Variants in ECT2L observed in about 807,000 individuals in gnomAD.
The protein encoded by ECT2L is epithelial cell-transforming sequence 2 oncogene-like.
A neutral mutation model predicts 122.8 loss-of-function variants in ECT2L; 126 were observed. The ratio of observed to expected loss-of-function variants is 1.03; its 90% CI spans 0.89 to 1.19. ECT2L has a LOEUF of 1.19. ECT2L is among the 50% of genes most tolerant of loss of function. The probability of loss-of-function intolerance (pLI) is 0.00; values close to 1 mark genes in which losing one functional copy is unlikely to be tolerated. For missense variants in ECT2L, 1,012 were observed against 1,064.1 expected (o/e 0.95, Z 0.68); for synonymous variants, 385 against 381.8 (o/e 1.01, Z -0.10).
At position 138,849,274 on chromosome 6, in the gene ECT2L, G is replaced by A; in HGVS notation, c.909G>A (p.Val303=). Residue 303 remains valine (V), a synonymous_variant, in exon 9 of 22, where the codon GTG becomes GTA. Transcript: ENST00000541398. Reference sequence around the variant, plus strand: ...GCTTTGGTTTCATTCTCCAGATGGTGATGGAGAGTGTGAAGGCTGGTGTTG... The same window carrying A: ...GCTTTGGTTTCATTCTCCAGATGGTAATGGAGAGTGTGAAGGCTGGTGTTG... ...ISSRIPAYEM[V]MESVKAGVVS... is the part of the protein sequence containing the mutation. 1.2e-6 allele frequency: 2 copies of A among 1,611,272 alleles called. No homozygotes were observed. The highest frequency in any genetic ancestry group is 1.7e-6 in the Non-Finnish European group (2 of 1,178,834).
rs965646359 is a variant in ECT2L, at chr6:138,823,197, G to A, written c.179+8594G>A. 54 of 1,460,844 alleles carry A rather than the reference G, an allele frequency of 3.7e-5. 12 individuals are homozygous for A. The African/African-American group carries it at 7.2e-4, about 19-fold the overall frequency. The allele number at this position is 1,460,844 out of a possible 1,614,324, so 90.5% of individuals were successfully genotyped here. A position where few individuals can be genotyped will look rare whatever the true frequency, so the allele number is the denominator to read the frequency against. Reference sequence around the variant, plus strand: ...TAATGTCCCCAGCCAATCAGGAGTGGGAAAACCATGCTGGATCATCTGTTT... The same window carrying A: ...TAATGTCCCCAGCCAATCAGGAGTGAGAAAACCATGCTGGATCATCTGTTT... On this transcript the variant is annotated intron_variant, in intron 4 of 21. Transcript: ENST00000541398.
At chr6:138,830,733 G>A (rs1476391358) in intron 4 of ECT2L, among the ~76,000 whole-genome samples, 3 of 151,912 alleles carry the variant, frequency 2.0e-5, no homozygotes, top group Admixed American at 6.6e-5. Context: ...CCTACCTCTC[G>A]GTCCTGTCCT....
At chr6:138,900,881 A>G in intron 20 of ECT2L, 67 bp from the exon 21 acceptor site, 1 of 1,510,446 alleles carries the variant, frequency 6.6e-7, no homozygotes, top group Non-Finnish European at 8.9e-7. Context: ...CAATTTCAAG[A>G]TGCTTAACTA....
At chr6:138,900,309 C>T (rs1779356125) in intron 20 of ECT2L, among the ~76,000 whole-genome samples, 1 of 151,848 alleles carries the variant, frequency 6.6e-6, no homozygotes, top group Admixed American at 6.6e-5. Context: ...TGCAGTGGCG[C>T]AATCTCAACT....
intron 20 of ECT2L, among the ~76,000 whole-genome samples, chr6:138,891,995 T>C (rs911472899): frequency 1.3e-5 from 2 of 152,242 alleles, no homozygotes; most frequent in East Asian, 1.9e-4. Context: ...TCAGTAATTT[T>C]GTAAAATCTC....
At chr6:138,899,044 T>TAG (rs1562499634) in intron 20 of ECT2L, among the ~76,000 whole-genome samples, 2 of 152,148 alleles carry the variant, frequency 1.3e-5, no homozygotes. Flanking sequence ...GTGTAGCCTT[T>TAG]GACCAATCCG....
chr6:138,856,571 T>C (rs1317215160), intron 10 of ECT2L, among the ~76,000 whole-genome samples: 1 of 152,222 alleles, frequency 6.6e-6, no homozygotes, highest in Non-Finnish European at 1.5e-5. Context: ...ACTACCACCA[T>C]GTCTTCATTT....
chr6:138,859,213 T>C (rs1326846278), intron 10 of ECT2L, among the ~76,000 whole-genome samples: 1 of 152,206 alleles, frequency 6.6e-6, no homozygotes, highest in African/African-American at 2.4e-5. Context: ...TTATTTTAGA[T>C]TTACCCATCC....
chr6:138,825,321 T>C (rs1010299172), intron 4 of ECT2L, among the ~76,000 whole-genome samples: 7 of 152,194 alleles, frequency 4.6e-5, no homozygotes, highest in African/African-American at 1.7e-4. Context: ...GGCTCATGCC[T>C]GTAATCCCAG....
chr6:138,839,987 A>T (rs1776980817), intron 5 of ECT2L, among the ~76,000 whole-genome samples: 1 of 152,142 alleles, frequency 6.6e-6, no homozygotes, highest in Admixed American at 6.5e-5. Flanking sequence ...TATATATACT[A>T]ATAATAGCCT....
intron 9 of ECT2L, 138 bp downstream of exon 9, chr6:138,849,572 GC>G: frequency 1.2e-5 from 9 of 735,106 alleles, no homozygotes; most frequent in Admixed American, 7.5e-5. Context: ...AAAAAGCGAA[GC>G]TTTTTTTTTT....
chr6:138,858,741 T>G (rs1777714487), intron 10 of ECT2L, among the ~76,000 whole-genome samples: 1 of 148,572 alleles, frequency 6.7e-6, no homozygotes, highest in East Asian at 2.0e-4. Context: ...GGGTCTGCTT[T>G]GTTGCCTAGG....
In ECT2L at chr6:138,844,473, G is replaced by A. The variant is rs1777151646; in HGVS notation, c.657G>A (p.Lys219=). ...VSGTCCSSVL[K]PRCQPRLSQT... ...GAACTTGCTGCTCTAGCGTGCTAAA[G>A]CCCAGATGCCAACCACGCCTCTCCC... is the stretch of plus-strand genomic sequence containing the variant. The change falls in exon 7 of 22, where the codon AAG becomes AAA. Residue 219 remains lysine, a synonymous_variant. Transcript: ENST00000541398. 1.2e-6 allele frequency: 2 copies of A among 1,614,150 alleles called. No homozygotes were observed. The highest frequency in any genetic ancestry group is 2.2e-5 in the East Asian group (1 of 44,876).
rs1420317131 is a variant in ECT2L, at chr6:138,865,124, C to T, written c.1420C>T (p.Gln474Ter). The change falls in exon 12 of 22, where the codon CAG (glutamine) becomes TAG (stop). Residue 474 changes from glutamine to a stop codon, truncating the protein, a stop_gained. Transcript: ENST00000541398. LOFTEE classifies it high-confidence loss of function. Reference protein sequence around the residue: ...LEETLKTVRKQLYPFFKELQK... With the variant: ...LEETLKTVRK ...AGAAACCTTGAAAACAGTAAGGAAG[C>T]AGCTGTATCCTTTCTTCAAGGAACT... The T allele has an allele frequency of 6.2e-7, 1 of 1,613,808 alleles. No homozygotes were observed. Among genetic ancestry groups the T allele is most frequent in the African/African-American group, 1.3e-5 (1 of 74,924 alleles).
chr6:138,843,067 A>AT lies in ECT2L; in HGVS notation c.433dup (p.Tyr145LeufsTer14). 1 of 1,613,916 alleles carries AT rather than the reference A, an allele frequency of 6.2e-7. No individual in the cohort carries two copies. ...AATGAGTATGGTGCTTGGAAGCGCC[A>AT]TTACATTGCTTGTGTGTCCCACTTA... On this transcript the variant is annotated frameshift_variant, in exon 6 of 22. Transcript: ENST00000541398. LOFTEE classifies it high-confidence loss of function.
At chr6:138,799,660 AG>A (rs1220383593) in intron 1 of ECT2L, among the ~76,000 whole-genome samples, 1 of 152,136 alleles carries the variant, frequency 6.6e-6, no homozygotes, top group African/African-American at 2.4e-5. Context: ...CCTGGGCTCA[AG>A]GAGTCCTCCC....
At chr6:138,841,874 A>C (rs865982591) in intron 5 of ECT2L, among the ~76,000 whole-genome samples, 82 of 152,324 alleles carry the variant, frequency 5.4e-4, no homozygotes, top group African/African-American at 1.8e-3. Context: ...CTCTTGTCGT[A>C]TGTCAAAATG....
At chr6:138,873,900 G>GTGTA (rs1554277035) in intron 13 of ECT2L, among the ~76,000 whole-genome samples, 11 of 150,872 alleles carry the variant, frequency 7.3e-5, no homozygotes, top group African/African-American at 2.4e-4. Flanking sequence ...GTGTGTGTGT[G>GTGTA]TGTGTGTGTG....
intron 11 of ECT2L, among the ~76,000 whole-genome samples, 198 bp from the exon 12 acceptor site, chr6:138,864,798 A>G (rs1027116296): frequency 9.8e-5 from 15 of 152,352 alleles, no homozygotes; most frequent in African/African-American, 3.4e-4. Flanking sequence ...ATGCATTTGA[A>G]ATGATTCATT....
Sources: allele counts gnomAD v4.1 joint callset (sites outside exome capture counted in the v4.1 genomes callset), GRCh38; gene constraint gnomAD v4.1.1; transcripts MANE v1.5; gene names NCBI Gene and HGNC (gene_info 2026-07-23, HGNC 2026-07-21).